AK5: variants seen among roughly 807,000 people sequenced by gnomAD.
The protein encoded by AK5 is adenylate kinase 5, also known as adenylate kinase isoenzyme 5.
In AK5, 27 loss-of-function variants were observed where a neutral mutation model predicts 69.5. The observed-to-expected ratio is 0.39, with a 90% confidence interval of 0.29 to 0.54. The LOEUF is 0.54. Among genes scored for constraint, AK5 ranks in the 20% least tolerant of loss-of-function variants. The pLI, the probability that AK5 is intolerant of heterozygous loss-of-function variation, is 0.71. For missense variants in AK5, 531 were observed against 700.4 expected, an observed-to-expected ratio of 0.76 and a Z score of 2.73; for synonymous variants, 260 against 244.4, an observed-to-expected ratio of 1.06 and a Z score of -0.60.
intron 8 of AK5, among the ~76,000 whole-genome samples, chr1:77,477,441 T>C (rs79427334): frequency 0.01 from 1,571 of 152,272 alleles, 34 homozygotes; most frequent in East Asian, 0.078. Context: ...TCCCCACCAC[T>C]CTGCTATTAC....
At chr1:77,303,304 T>C (rs990574614) in intron 5 of AK5, among the ~76,000 whole-genome samples, 3 of 152,224 alleles carry the variant, frequency 2.0e-5, no homozygotes, top group African/African-American at 7.2e-5. Flanking sequence ...CAAAAAGCTT[T>C]CATTTATATG....
intron 11 of AK5, among the ~76,000 whole-genome samples, chr1:77,519,542 G>T (rs1386723270): frequency 1.3e-5 from 2 of 152,232 alleles, no homozygotes; most frequent in Non-Finnish European, 2.9e-5. Context: ...AGGGCAAGTT[G>T]TAAAGTGAAA....
intron 8 of AK5, among the ~76,000 whole-genome samples, chr1:77,459,021 T>C (rs1653669157): frequency 6.6e-6 from 1 of 152,068 alleles, no homozygotes; most frequent in Admixed American, 6.6e-5. Context: ...GCACAGGGAG[T>C]TGGTGGTCTG....
Position 77,521,894 on chromosome 1 carries a change from T to C in AK5, c.1379T>C (p.Ile460Thr). The C allele has an allele frequency of 1.9e-6, 3 of 1,613,566 alleles. No individual in the cohort carries two copies. The highest frequency in any genetic ancestry group is 2.5e-6 in the Non-Finnish European group (3 of 1,179,828). Residue 460 changes from isoleucine to threonine, a missense_variant, in exon 12 of 14, where the codon ATT (isoleucine) becomes ACT (threonine). Physicochemically the swap from Ile to Thr is moderately conservative, Grantham distance 89 (BLOSUM62 -1). Transcript: ENST00000354567. The part of the protein sequence containing the change: ...ASLGDTRGFL[I>T]DGYPREVKQG... Reference sequence around the variant, plus strand: ...CTCGGGGACACCAGGGGCTTCCTGATTGACGGCTATCCTCGGGAGGTGAAG... The same window carrying C: ...CTCGGGGACACCAGGGGCTTCCTGACTGACGGCTATCCTCGGGAGGTGAAG...
intron 6 of AK5, among the ~76,000 whole-genome samples, chr1:77,362,139 G>C (rs1458135802): frequency 1.3e-5 from 2 of 152,026 alleles, no homozygotes; most frequent in Non-Finnish European, 1.5e-5. Flanking sequence ...ATGTTTGTTG[G>C]ATTTTTTTTC....
intron 6 of AK5, among the ~76,000 whole-genome samples, chr1:77,383,940 G>A (rs1263896378): frequency 7.0e-6 from 1 of 143,718 alleles, no homozygotes; most frequent in Non-Finnish European, 1.5e-5. Flanking sequence ...TCACTATTGA[G>A]CAAATAGAAA....
chr1:77,404,726 C>T (rs544376007), intron 6 of AK5, among the ~76,000 whole-genome samples: 4 of 152,286 alleles, frequency 2.6e-5, no homozygotes, highest in South Asian at 2.1e-4. Context: ...GCAGCATCTG[C>T]GCCATCCCAT....
At chr1:77,542,815 A>G (rs1659346789) in intron 13 of AK5, among the ~76,000 whole-genome samples, 1 of 152,132 alleles carries the variant, frequency 6.6e-6, no homozygotes, top group Middle Eastern at 3.2e-3. Flanking sequence ...CATTTTGTTC[A>G]TGGCATAATT....
intron 6 of AK5, among the ~76,000 whole-genome samples, chr1:77,396,906 C>CAT (rs1648869460): frequency 6.6e-6 from 1 of 152,194 alleles, no homozygotes; most frequent in Admixed American, 6.5e-5. Flanking sequence ...TATTACCTAG[C>CAT]ATATATAGTA....
chr1:77,298,925 C>T (rs2100250444), intron 5 of AK5, among the ~76,000 whole-genome samples: 1 of 152,262 alleles, frequency 6.6e-6, no homozygotes, highest in East Asian at 1.9e-4. Context: ...CAATACCCTC[C>T]CATTCCGCTG....
chr1:77,553,988 C>A (rs7524147), intron 13 of AK5, among the ~76,000 whole-genome samples: 104,669 of 151,526 alleles, frequency 0.69, 37,400 homozygotes, highest in Non-Finnish European at 0.79. Context: ...AAAAGGAATA[C>A]AGTATTGATA....
rs552735390 is a variant in AK5, at chr1:77,312,035, G to A, written c.699+14088G>A. On this transcript the variant is annotated intron_variant, in intron 5 of 13. Coordinates refer to ENST00000354567, the MANE Select transcript of AK5 (RefSeq NM_174858.3). Reference sequence around the variant, plus strand: ...TGAAGCAAAAAAGAAATAATAATTCGTTATTTTCGGCCAGAAGGGATGATA... The same window carrying A: ...TGAAGCAAAAAAGAAATAATAATTCATTATTTTCGGCCAGAAGGGATGATA... 4.6e-5 allele frequency among the ~76,000 whole-genome samples: 7 copies of A among 152,190 alleles called. No individual in the cohort carries two copies. In the East Asian group the frequency reaches 5.8e-4, roughly 13 times the overall value.
intron 8 of AK5, among the ~76,000 whole-genome samples, chr1:77,445,765 A>G (rs12566093): frequency 0.045 from 6,890 of 152,036 alleles, 396 homozygotes; most frequent in East Asian, 0.19. Flanking sequence ...TTGTATTTTT[A>G]GTAGAGATGG....
Position 77,301,573 on chromosome 1 carries a change from C to T in AK5, c.699+3626C>T, listed in dbSNP as rs143248481. ...CTTCTTCCCACACATACAATGTACT[C>T]ACTCACTCCCCAAGTAAAACAACCA... is the stretch of plus-strand genomic sequence containing the variant. On this transcript the variant is annotated intron_variant, in intron 5 of 13. Transcript: ENST00000354567. Among the ~76,000 whole-genome samples, 6 of 152,326 alleles carry T rather than the reference C, an allele frequency of 3.9e-5. No homozygotes were observed. The East Asian group carries it at 1.2e-3, about 29-fold the overall frequency.
intron 8 of AK5, among the ~76,000 whole-genome samples, chr1:77,420,829 C>T (rs569982786): frequency 6.6e-6 from 1 of 152,140 alleles, no homozygotes; most frequent in African/African-American, 2.4e-5. Context: ...CTAGGGATCA[C>T]CACACTTTTT....
At chr1:77,353,592 T>C (rs979371599) in intron 6 of AK5, among the ~76,000 whole-genome samples, 2 of 152,236 alleles carry the variant, frequency 1.3e-5, no homozygotes, top group Admixed American at 6.5e-5. Flanking sequence ...AACTCTAAAC[T>C]GCGCAGTCTT....
At chr1:77,486,410 A>C (rs1228813597) in intron 10 of AK5, 58 bp downstream of exon 10, 1 of 1,376,470 alleles carries the variant, frequency 7.3e-7, no homozygotes, top group Non-Finnish European at 1.0e-6. Context: ...AGAATTTGGT[A>C]GTGGGCCAGG....
chr1:77,343,912 G>A (rs988899370), intron 6 of AK5, among the ~76,000 whole-genome samples: 2 of 152,146 alleles, frequency 1.3e-5, no homozygotes, highest in African/African-American at 2.4e-5. Flanking sequence ...GGTTATTGAA[G>A]AAATCCAAAA....
intron 13 of AK5, among the ~76,000 whole-genome samples, chr1:77,546,111 A>G (rs1179997551): frequency 6.6e-6 from 1 of 152,094 alleles, no homozygotes; most frequent in East Asian, 1.9e-4. Flanking sequence ...TCCTGCTGAA[A>G]TGAGTTGTGC....
Sources: allele counts gnomAD v4.1 joint callset (sites outside exome capture counted in the v4.1 genomes callset), GRCh38; gene constraint gnomAD v4.1.1; transcripts MANE v1.5; gene names NCBI Gene and HGNC (gene_info 2026-07-23, HGNC 2026-07-21).